Variants in UNC45B observed in about 807,000 individuals in gnomAD.
The protein encoded by UNC45B is protein unc-45 homolog B.
In UNC45B, 78 loss-of-function variants were observed where a neutral mutation model predicts 98.7. That is an observed-to-expected ratio of 0.79 (90% CI 0.66 to 0.95). UNC45B has a LOEUF of 0.95. Among genes scored for constraint, UNC45B ranks in the 40% least tolerant of loss-of-function variants. The pLI, the probability that UNC45B is intolerant of heterozygous loss-of-function variation, is 0.00. For missense variants in UNC45B, 1,225 were observed against 1,184.9 expected, an observed-to-expected ratio of 1.03 and a Z score of -0.50; for synonymous variants, 462 against 480.4, an observed-to-expected ratio of 0.96 and a Z score of 0.50.
chr17:35,161,142 C>A (rs1401873080), intron 8 of UNC45B, among the ~76,000 whole-genome samples: 2 of 152,196 alleles, frequency 1.3e-5, no homozygotes, highest in Admixed American at 1.3e-4. Flanking sequence ...TCTCTCAGCA[C>A]CAGGATCTAG....
intron 3 of UNC45B, 150 bp downstream of exon 3, chr17:35,149,159 A>C: frequency 1.0e-6 from 1 of 989,396 alleles, no homozygotes; most frequent in Non-Finnish European, 1.5e-6. Context: ...CTGGAAACAT[A>C]TCCTGTGAAG....
rs565537506 is a variant in UNC45B, at chr17:35,183,620, C to A, written c.2529+38C>A. On this transcript the variant is annotated intron_variant, in intron 19 of 19. Coordinates refer to ENST00000394570, the MANE Select transcript of UNC45B (RefSeq NM_001267052.2). Reference sequence around the variant, plus strand: ...CCTGGGGATAGGACGGGCTGGGTGGCTCCAGGGAATCTCCCCACCCACAGA... The same window carrying A: ...CCTGGGGATAGGACGGGCTGGGTGGATCCAGGGAATCTCCCCACCCACAGA... 5 of 1,462,870 alleles carry A rather than the reference C, an allele frequency of 3.4e-6. No homozygotes were observed. The South Asian group carries it at 7.6e-5, about 22-fold the overall frequency. The allele number at this position is 1,462,870 out of a possible 1,614,324, so 90.6% of individuals were successfully genotyped here.
chr17:35,167,315 G>A (rs761243099), intron 9 of UNC45B, among the ~76,000 whole-genome samples: 7 of 152,182 alleles, frequency 4.6e-5, no homozygotes, highest in Non-Finnish European at 7.3e-5. Context: ...TCCCAGGGAA[G>A]CCAGTATGCA....
At chr17:35,174,901 G>A (rs1490981443) in intron 14 of UNC45B, among the ~76,000 whole-genome samples, 1 of 147,836 alleles carries the variant, frequency 6.8e-6, no homozygotes, top group Admixed American at 6.8e-5. Flanking sequence ...AAGGAAGGAG[G>A]GAAGGGAAAA....
chr17:35,148,111 T>C (rs1364711841), intron 1 of UNC45B, 153 bp from the exon 2 acceptor site: 1 of 776,482 alleles, frequency 1.3e-6, no homozygotes, highest in Non-Finnish European at 2.1e-6. Context: ...GGGCAATAGA[T>C]TTGGGGGTTC....
rs115738469 is a variant in UNC45B at position 35,169,953 on chromosome 17, G to C, written c.1547+22G>C. ...GCAAGTAAGGGGGCTGTGTTTCCCA[G>C]GCCCTCCATCTCCTCATGCGCCTTC... On this transcript the variant is annotated intron_variant, in intron 11 of 19. Coordinates refer to ENST00000394570, the MANE Select transcript of UNC45B (RefSeq NM_001267052.2). The C allele has an allele frequency of 9.0e-4, 1,448 of 1,614,026 alleles. 19 individuals are homozygous for C. In the African/African-American group the frequency reaches 0.018, roughly 20 times the overall value.
In UNC45B at chr17:35,186,614, T is replaced by C. The variant is rs2092306225; in HGVS notation, c.*55T>C. ...TCCTGTACTGTGCAGAGTCCTGGGT[T>C]GGTTGGGTTCTCCTGAAGAGTCAGG... On this transcript the variant is annotated 3_prime_UTR_variant, in exon 20 of 20. Coordinates refer to ENST00000394570, the MANE Select transcript of UNC45B (RefSeq NM_001267052.2). The C allele has an allele frequency of 1.3e-5, 20 of 1,585,886 alleles. No homozygotes were observed. The South Asian group carries it at 1.7e-4, about 14-fold the overall frequency.
At position 35,187,642 on chromosome 17, in the gene UNC45B, T is replaced by C. The variant is rs1439654751; in HGVS notation, c.*1083T>C. 3.3e-5 allele frequency: 5 copies of C among 152,180 alleles called. No homozygotes were observed. The highest frequency in any genetic ancestry group is 5.9e-5 in the Non-Finnish European group (4 of 68,032). 9.4% of individuals were successfully genotyped at this position (152,180 alleles called of 1,614,324 possible). Reference sequence around the variant, plus strand: ...AGAAATGAGCTTCATCCCTGTCCAATTGACATGGACTGATTAGGGGTATTA... The same window carrying C: ...AGAAATGAGCTTCATCCCTGTCCAACTGACATGGACTGATTAGGGGTATTA... On this transcript the variant is annotated 3_prime_UTR_variant, in exon 20 of 20. Coordinates refer to ENST00000394570, the MANE Select transcript of UNC45B (RefSeq NM_001267052.2).
chr17:35,174,240 A>G lies in UNC45B; in HGVS notation c.1831-2A>G. On this transcript the variant is annotated splice_acceptor_variant, in intron 13 of 19. Coordinates refer to ENST00000394570, the MANE Select transcript of UNC45B (RefSeq NM_001267052.2). LOFTEE classifies it high-confidence loss of function. ...CACATTGCCATCTTTTCATCTCCTC[A>G]GGACAAGAAGGACTTTATAGACATG... 3.7e-6 allele frequency: 6 copies of G among 1,614,096 alleles called. No homozygotes were observed. Among genetic ancestry groups the G allele is most frequent in the Non-Finnish European group, 5.1e-6 (6 of 1,179,978 alleles).
rs368246570 is a variant in UNC45B, at chr17:35,175,898, CCTG to C, written c.1959-56_1959-54del. ...GGTTTCACTGGCTCCGACTGGCTGG[CCTG>C]CTGCTGCTGCTGCCTGGGAAGGTGT... On this transcript the variant is annotated intron_variant, in intron 14 of 19. Coordinates refer to ENST00000394570, the MANE Select transcript of UNC45B (RefSeq NM_001267052.2). 3,693 of 1,419,648 alleles carry C rather than the reference CCTG, an allele frequency of 2.6e-3. 34 individuals are homozygous for C. In the African/African-American group the frequency reaches 0.031, roughly 12 times the overall value. 87.9% of individuals were successfully genotyped at this position (1,419,648 alleles called of 1,614,324 possible). A position where few individuals can be genotyped will look rare whatever the true frequency, so the allele number is the denominator to read the frequency against.
chr17:35,178,574 T>G (rs1188314499), intron 17 of UNC45B, among the ~76,000 whole-genome samples: 1 of 152,246 alleles, frequency 6.6e-6, no homozygotes, highest in Non-Finnish European at 1.5e-5. Flanking sequence ...TGGCTTTTGT[T>G]GCCATTGCTT....
intron 18 of UNC45B, 92 bp from the exon 19 acceptor site, chr17:35,183,335 C>G: frequency 7.4e-7 from 1 of 1,356,144 alleles, no homozygotes; most frequent in Non-Finnish European, 9.6e-7. Context: ...TCTAAGAGAT[C>G]TTGGGTCAGA....
intron 15 of UNC45B, among the ~76,000 whole-genome samples, chr17:35,176,386 G>A (rs963073075): frequency 6.6e-6 from 1 of 152,114 alleles, no homozygotes; most frequent in Non-Finnish European, 1.5e-5. Context: ...CTGTAAAATA[G>A]GGGGAAAATC....
At chr17:35,148,901 G>A in intron 2 of UNC45B, 72 bp from the exon 3 acceptor site, 2 of 1,591,530 alleles carry the variant, frequency 1.3e-6, no homozygotes, top group Non-Finnish European at 1.7e-6. Context: ...CCCACACTGT[G>A]GGGACACTCT....
At chr17:35,180,446 G>A (rs1268880664) in intron 17 of UNC45B, 113 bp from the exon 18 acceptor site, 2 of 773,714 alleles carry the variant, frequency 2.6e-6, no homozygotes. Context: ...TGCTGGCTGA[G>A]GATGTGGGAA....
At position 35,148,975 on chromosome 17, in the gene UNC45B, G is replaced by A; in HGVS notation, c.171G>A (p.Glu57=). 6.2e-7 allele frequency: 1 copy of A among 1,614,072 alleles called. No individual in the cohort carries two copies. Among genetic ancestry groups the A allele is most frequent in the Non-Finnish European group, 8.5e-7 (1 of 1,180,010 alleles). The change falls in exon 3 of 20, where the codon GAG becomes GAA. Residue 57 remains glutamate, a splice_region_variant and synonymous_variant. Coordinates refer to ENST00000394570, the MANE Select transcript of UNC45B (RefSeq NM_001267052.2). ...CCTTCTCCTTCCCCTTTCCTCAGGAGAGCTACGTCCAGGCAGCTTCAGATG... is the reference window on the plus strand; with the variant it reads ...CCTTCTCCTTCCCCTTTCCTCAGGAAAGCTACGTCCAGGCAGCTTCAGATG... ...RNRAACGLKT[E]SYVQAASDAS... is the part of the protein sequence containing the mutation.
rs375750118 is a variant in UNC45B, at chr17:35,150,466, G to C, written c.381+243G>C. On this transcript the variant is annotated intron_variant, in intron 4 of 19. Coordinates refer to ENST00000394570, the MANE Select transcript of UNC45B (RefSeq NM_001267052.2). ...ACACAGGTCTTTTAAATTCCAGATG[G>C]GGCCAGGCACAGTGGCTCATGCTTA... 1.2e-4 allele frequency among the ~76,000 whole-genome samples: 19 copies of C among 152,302 alleles called. No homozygotes were observed. In the East Asian group the frequency reaches 1.5e-3, roughly 12 times the overall value.
At chr17:35,177,849 T>C (rs898594375) in intron 17 of UNC45B, among the ~76,000 whole-genome samples, 2 of 151,632 alleles carry the variant, frequency 1.3e-5, no homozygotes, top group Non-Finnish European at 1.5e-5. Flanking sequence ...TGTCTTTTCT[T>C]TTCTCTTCTC....
intron 10 of UNC45B, among the ~76,000 whole-genome samples, chr17:35,169,207 T>A (rs1055488331): frequency 6.6e-6 from 1 of 151,894 alleles, no homozygotes; most frequent in Non-Finnish European, 1.5e-5. Flanking sequence ...ACCCTGCTAA[T>A]TTTTGTATTT....
Sources: gnomAD v4.1 joint callset for allele counts (sites outside exome capture counted in the v4.1 genomes callset) on GRCh38, gnomAD v4.1.1 for gene constraint, MANE v1.5 for transcripts, NCBI Gene and HGNC (gene_info 2026-07-23, HGNC 2026-07-21) for gene names.